The following DCUN1D1 variants were observed in gnomAD, a reference collection of about 807,000 sequenced individuals.
DCUN1D1 encodes the protein DCN1-like protein 1.
Under a neutral mutation model 39.0 loss-of-function variants are expected in DCUN1D1, and 3 were observed. The ratio of observed to expected loss-of-function variants is 0.08; its 90% CI spans 0.04 to 0.20. DCUN1D1 has a LOEUF of 0.20. DCUN1D1 is among the 10% of genes least tolerant of loss of function. DCUN1D1 has a pLI of 1.00. For missense variants in DCUN1D1, 158 were observed against 302.4 expected (o/e 0.52, Z 3.54); for synonymous variants, 82 against 96.3 (o/e 0.85, Z 0.87).
At chr3:182,979,725 G>C (rs1382596330) in intron 1 of DCUN1D1, among the ~76,000 whole-genome samples, 1 of 151,720 alleles carries the variant, frequency 6.6e-6, no homozygotes, top group African/African-American at 2.4e-5. Flanking sequence ...ATAGGTGCTC[G>C]AAAGGGCGCT....
chr3:182,959,148 T>C (rs1727245615), intron 4 of DCUN1D1, among the ~76,000 whole-genome samples: 1 of 152,138 alleles, frequency 6.6e-6, no homozygotes, highest in Admixed American at 6.5e-5. Flanking sequence ...AAAAACTAAT[T>C]GTAGGTATCC....
rs1726005172 is a variant in DCUN1D1, at chr3:182,938,898, C to T, written c.*6196G>A. 1 of 152,394 alleles carries T rather than the reference C, an allele frequency of 6.6e-6. No individual in the cohort carries two copies. The highest frequency in any genetic ancestry group is 6.5e-5 in the Admixed American group (1 of 15,274). 9.4% of individuals were successfully genotyped at this position (152,394 alleles called of 1,614,324 possible). A position where few individuals can be genotyped will look rare whatever the true frequency, so the allele number is the denominator to read the frequency against. Reference sequence around the variant, plus strand: ...AGGCTAGTCGAGTAGCTGTATCAACCTTGGTACAAACAATAACAGAGCCAA... The same window carrying T: ...AGGCTAGTCGAGTAGCTGTATCAACTTTGGTACAAACAATAACAGAGCCAA... On this transcript the variant is annotated 3_prime_UTR_variant, in exon 7 of 7. Coordinates refer to ENST00000292782, the MANE Select transcript of DCUN1D1 (RefSeq NM_020640.4).
At chr3:182,975,459 A>G (rs371081161) in intron 1 of DCUN1D1, among the ~76,000 whole-genome samples, 27 of 152,172 alleles carry the variant, frequency 1.8e-4, no homozygotes, top group East Asian at 1.5e-3. Context: ...TACAGGTGTG[A>G]GCCACCGCGC....
intron 1 of DCUN1D1, among the ~76,000 whole-genome samples, chr3:182,966,830 G>C (rs1321106778): frequency 1.3e-5 from 2 of 152,202 alleles, no homozygotes; most frequent in Non-Finnish European, 1.5e-5. Flanking sequence ...TGGTTGGCTG[G>C]GCACAGTGGC....
intron 6 of DCUN1D1, among the ~76,000 whole-genome samples, chr3:182,946,684 A>G (rs2108622084): frequency 6.6e-6 from 1 of 152,318 alleles, no homozygotes; most frequent in Non-Finnish European, 1.5e-5. Context: ...AAAGGTTCCT[A>G]AACTGAAAAC....
At chr3:182,973,439 C>G (rs1297128443) in intron 1 of DCUN1D1, among the ~76,000 whole-genome samples, 1 of 152,208 alleles carries the variant, frequency 6.6e-6, no homozygotes, top group Non-Finnish European at 1.5e-5. Context: ...TACTGTACTA[C>G]TAAGTCCAGT....
intron 4 of DCUN1D1, among the ~76,000 whole-genome samples, chr3:182,949,746 C>T (rs2108627087): frequency 6.6e-6 from 1 of 152,128 alleles, no homozygotes; most frequent in Middle Eastern, 3.4e-3. Flanking sequence ...ACATAAAAAA[C>T]AATACCTACT....
intron 3 of DCUN1D1, 57 bp downstream of exon 3, chr3:182,963,824 G>A (rs1394141209): frequency 1.4e-6 from 2 of 1,398,132 alleles, no homozygotes; most frequent in African/African-American, 2.9e-5. Context: ...AAAAGTTCAT[G>A]ACATAATTCA....
rs1262194625 is a variant in DCUN1D1, at chr3:182,944,005, A to G, written c.*1089T>C. 6.6e-6 allele frequency: 1 copy of G among 152,668 alleles called. No individual in the cohort carries two copies. The allele number at this position is 152,668 out of a possible 1,614,324, so 9.5% of individuals were successfully genotyped here. Reference sequence around the variant, plus strand: ...ATTTCAACAAAATAATAAGTCATCGAAAATGGACTATTTGTCTGAAAGAGC... The same window carrying G: ...ATTTCAACAAAATAATAAGTCATCGGAAATGGACTATTTGTCTGAAAGAGC... On this transcript the variant is annotated 3_prime_UTR_variant, in exon 7 of 7. Coordinates refer to ENST00000292782, the MANE Select transcript of DCUN1D1 (RefSeq NM_020640.4).
At chr3:182,965,181 T>C in intron 2 of DCUN1D1, among the ~76,000 whole-genome samples, 1 of 152,314 alleles carries the variant, frequency 6.6e-6, no homozygotes, top group Middle Eastern at 3.4e-3. Context: ...ATTCACCTAT[T>C]ATGCAGTTGA....
chr3:182,975,626 C>G (rs1361360060), intron 1 of DCUN1D1, among the ~76,000 whole-genome samples: 1 of 149,930 alleles, frequency 6.7e-6, no homozygotes, highest in Non-Finnish European at 1.5e-5. Flanking sequence ...AAGGAAGAAA[C>G]CAGAGTAAAA....
At chr3:182,946,451 A>AGAAGCT (rs1261891161) in intron 6 of DCUN1D1, among the ~76,000 whole-genome samples, 5 of 150,966 alleles carry the variant, frequency 3.3e-5, no homozygotes, top group African/African-American at 1.2e-4. Context: ...CAGTTACTTG[A>AGAAGCT]GAAGCTGAGG....
rs57297234 is a variant in DCUN1D1, at chr3:182,943,114, G to GAAAAAA, written c.*1974_*1979dup. ...ACTTTTAAAGAAAACACTTTATATTGAAAAAAAAAAAAAAAAAAAAAAGCT... is the reference window on the plus strand; with the variant it reads ...ACTTTTAAAGAAAACACTTTATATTGAAAAAAAAAAAAAAAAAAAAAAAAAAAAGCT... On this transcript the variant is annotated 3_prime_UTR_variant, in exon 7 of 7. Transcript: ENST00000292782. 32 of 54,334 alleles carry GAAAAAA rather than the reference G, an allele frequency of 5.9e-4. No homozygotes were observed. The highest frequency in any genetic ancestry group is 1.6e-3 in the East Asian group (3 of 1,890). 3.4% of individuals were successfully genotyped at this position (54,334 alleles called of 1,614,324 possible). A position where few individuals can be genotyped will look rare whatever the true frequency, so the allele number is the denominator to read the frequency against.
At position 182,955,400 on chromosome 3, in the gene DCUN1D1, T is replaced by G. The variant is rs1049558157; in HGVS notation, c.520+5826A>C. On this transcript the variant is annotated intron_variant, in intron 4 of 6. Transcript: ENST00000292782. ...CTTTATTGAACAGAATAGCAATGTC[T>G]TCTTCTTCCCACATTTTGCGCAAAC... is the stretch of plus-strand genomic sequence containing the variant. 1.7e-4 allele frequency: 90 copies of G among 543,618 alleles called. 5 individuals are homozygous for G. Among genetic ancestry groups the G allele is most frequent in the South Asian group, 1.2e-3 (87 of 72,102 alleles). 33.7% of individuals were successfully genotyped at this position (543,618 alleles called of 1,614,324 possible).
intron 6 of DCUN1D1, among the ~76,000 whole-genome samples, chr3:182,945,656 G>A (rs779368950): frequency 5.3e-5 from 8 of 152,178 alleles, no homozygotes; most frequent in Non-Finnish European, 4.4e-5. Context: ...TGAAATGATA[G>A]CATGCTGCCA....
At chr3:182,962,918 T>G (rs1455545147) in intron 3 of DCUN1D1, among the ~76,000 whole-genome samples, 1 of 152,098 alleles carries the variant, frequency 6.6e-6, no homozygotes, top group Non-Finnish European at 1.5e-5. Context: ...GTAGCTGGGA[T>G]TACAGGCATG....
Position 182,965,553 on chromosome 3 carries a change from C to G in DCUN1D1, c.204G>C (p.Leu68=), listed in dbSNP as rs924815446. The change falls in exon 2 of 7, where the codon CTG becomes CTC. Residue 68 remains leucine (L), a synonymous_variant. Transcript: ENST00000292782. ...GSLDRKKLEQ[L]YNRYKDPQDE... ...AGCACTCACCTTTGTATCTATTGTACAGCTGTTCTAACTTCTTCCTGTCCA... is the reference window on the plus strand; with the variant it reads ...AGCACTCACCTTTGTATCTATTGTAGAGCTGTTCTAACTTCTTCCTGTCCA... 1.5e-5 allele frequency: 24 copies of G among 1,612,212 alleles called. No individual in the cohort carries two copies. Among genetic ancestry groups the G allele is most frequent in the Admixed American group, 8.3e-5 (5 of 59,962 alleles).
rs78866255 is a variant in DCUN1D1 at position 182,955,390 on chromosome 3, T to G, written c.520+5836A>C. ...TTTCCTGGTTCTTTATTGAACAGAA[T>G]AGCAATGTCTTCTTCTTCCCACATT... is the stretch of plus-strand genomic sequence containing the variant. On this transcript the variant is annotated intron_variant, in intron 4 of 6. Coordinates refer to ENST00000292782, the MANE Select transcript of DCUN1D1 (RefSeq NM_020640.4). 2,110 of 543,994 alleles carry G rather than the reference T, an allele frequency of 3.9e-3. 41 individuals carry two copies. Among genetic ancestry groups the G allele is most frequent in the African/African-American group, 0.037 (1,922 of 52,066 alleles). The allele number at this position is 543,994 out of a possible 1,614,324, so 33.7% of individuals were successfully genotyped here. A position where few individuals can be genotyped will look rare whatever the true frequency, so the allele number is the denominator to read the frequency against.
exon 2 of DCUN1D1, chr3:182,985,592 G>T (rs949000813): frequency 1.3e-5 from 2 of 152,368 alleles, no homozygotes; most frequent in East Asian, 3.8e-4. Context: ...TCACGCCATT[G>T]CACTTCAGCC....
Sources: allele counts gnomAD v4.1 joint callset (sites outside exome capture counted in the v4.1 genomes callset), GRCh38; gene constraint gnomAD v4.1.1; transcripts MANE v1.5; gene names NCBI Gene and HGNC (gene_info 2026-07-23, HGNC 2026-07-21).